SPINK6: variants seen among roughly 807,000 people sequenced by gnomAD.
SPINK6 encodes the protein serine protease inhibitor Kazal-type 6.
A neutral mutation model predicts 11.7 loss-of-function variants in SPINK6; 13 were observed. The ratio of observed to expected loss-of-function variants is 1.11; its 90% CI spans 0.72 to 1.76. The LOEUF (loss-of-function observed/expected upper bound fraction) is 1.76. Ranked by LOEUF, SPINK6 falls within the 40% of genes most tolerant of loss-of-function variation. The pLI is 0.00. For synonymous variants in SPINK6, 21 were observed against 31.9 expected, an observed-to-expected ratio of 0.66 and a Z score of 1.15; for missense variants, 98 against 93.7, an observed-to-expected ratio of 1.05 and a Z score of -0.19.
rs1755646328 is a variant in SPINK6 at position 148,213,834 on chromosome 5, CT to C, written c.82-75del. The C allele has an allele frequency of 2.1e-5, 15 of 729,616 alleles. No homozygotes were observed. In the South Asian group the frequency reaches 2.5e-4, roughly 12 times the overall value. The allele number at this position is 729,616 out of a possible 1,614,324, so 45.2% of individuals were successfully genotyped here. ...ATTTATATATGGTTTTTAAAGTTTG[CT>C]GTCTAAAGCTTCTGTTCTGAAGGAT... On this transcript the variant is annotated intron_variant, in intron 2 of 3. Transcript: ENST00000325630.
chr5:148,214,641 T>C (rs1285992722), intron 3 of SPINK6, among the ~76,000 whole-genome samples: 3 of 152,232 alleles, frequency 2.0e-5, no homozygotes, highest in Non-Finnish European at 4.4e-5. Context: ...ATGGTATACA[T>C]ATTTACTCTT....
chr5:148,205,824 T>G (rs1355997450), intron 1 of SPINK6, among the ~76,000 whole-genome samples: 1 of 151,478 alleles, frequency 6.6e-6, no homozygotes, highest in Non-Finnish European at 1.5e-5. Context: ...TACCTCCTCA[T>G]GGTTCATGTC....
chr5:148,213,636 T>G (rs1755643935), intron 2 of SPINK6, among the ~76,000 whole-genome samples: 1 of 152,196 alleles, frequency 6.6e-6, no homozygotes, highest in Admixed American at 6.5e-5. Context: ...CATATAGCAT[T>G]TGACTACATC....
intron 2 of SPINK6, among the ~76,000 whole-genome samples, chr5:148,206,940 C>T (rs1755506895): frequency 6.6e-6 from 1 of 151,948 alleles, no homozygotes; most frequent in Admixed American, 6.6e-5. Flanking sequence ...CCTGATATAC[C>T]CACTGCATTA....
intron 2 of SPINK6, among the ~76,000 whole-genome samples, chr5:148,211,446 AG>A (rs1028073266): frequency 6.6e-6 from 1 of 152,170 alleles, no homozygotes; most frequent in African/African-American, 2.4e-5. Context: ...ACCTGTAATA[AG>A]GTTACTTTCT....
intron 2 of SPINK6, among the ~76,000 whole-genome samples, chr5:148,212,577 T>C (rs1755617600): frequency 9.6e-6 from 1 of 104,250 alleles, no homozygotes; most frequent in Non-Finnish European, 1.7e-5. Context: ...ATATTATATA[T>C]TATATAAATA....
chr5:148,206,387 A>G (rs867990329), intron 2 of SPINK6, among the ~76,000 whole-genome samples: 3 of 151,844 alleles, frequency 2.0e-5, no homozygotes, highest in Admixed American at 6.6e-5. Flanking sequence ...CCACAACTAT[A>G]GAAAAGGGAT....
intron 2 of SPINK6, 92 bp from the exon 3 acceptor site, chr5:148,213,818 T>A (rs1755646148): frequency 3.0e-6 from 2 of 671,774 alleles, no homozygotes; most frequent in African/African-American, 3.6e-5. Context: ...TATTTATATA[T>A]GGTTTTTAAA....
At chr5:148,209,085 G>A (rs1299584941) in intron 2 of SPINK6, among the ~76,000 whole-genome samples, 1 of 152,114 alleles carries the variant, frequency 6.6e-6, no homozygotes, top group Non-Finnish European at 1.5e-5. Context: ...CATACAATTG[G>A]TAAAACAATG....
intron 3 of SPINK6, among the ~76,000 whole-genome samples, chr5:148,214,661 G>A (rs1048949624): frequency 3.3e-5 from 5 of 152,144 alleles, no homozygotes; most frequent in Non-Finnish European, 5.9e-5. Context: ...TGGAGAATGA[G>A]CAATTGGTAC....
Position 148,214,023 on chromosome 5 carries a change from A to G in SPINK6, c.195A>G (p.Ile65Met), listed in dbSNP as rs368424222. ...YGNKCAFCKA[I>M]VKSGGKISLK... ...ATAAATGTGCCTTCTGTAAGGCCAT[A>G]GTGTAAGTATTATATTCATCAAAGC... Residue 65 changes from isoleucine (I) to methionine (M), a missense_variant and splice_region_variant, in exon 3 of 4, where the codon ATA becomes ATG. Coordinates refer to ENST00000325630, the MANE Select transcript of SPINK6 (RefSeq NM_205841.4). The G allele has an allele frequency of 1.9e-6, 3 of 1,574,002 alleles. No individual in the cohort carries two copies. Among genetic ancestry groups the G allele is most frequent in the Non-Finnish European group, 2.6e-6 (3 of 1,143,506 alleles).
chr5:148,207,269 G>T (rs768782482), intron 2 of SPINK6, among the ~76,000 whole-genome samples: 46 of 152,222 alleles, frequency 3.0e-4, no homozygotes, highest in Non-Finnish European at 5.3e-4. Context: ...ATTACTCATA[G>T]AATTAAGAAA....
At chr5:148,205,702 C>T (rs537887562) in intron 1 of SPINK6, among the ~76,000 whole-genome samples, 5 of 152,168 alleles carry the variant, frequency 3.3e-5, no homozygotes, top group South Asian at 2.1e-4. Context: ...GTGAGACCAG[C>T]GATGATAAGG....
At position 148,206,035 on chromosome 5, in the gene SPINK6, G is replaced by C. The variant is rs770231588; in HGVS notation, c.59-1G>C. The C allele has an allele frequency of 3.8e-5, 61 of 1,613,832 alleles. No homozygotes were observed. Among genetic ancestry groups the C allele is most frequent in the Non-Finnish European group, 5.1e-5 (60 of 1,179,948 alleles). ...GTTTGAATGTTGTGCTTTTCTTTCAGGTGTCTTCAGTCAGGGAGGACAGGT... is the reference window on the plus strand; with the variant it reads ...GTTTGAATGTTGTGCTTTTCTTTCACGTGTCTTCAGTCAGGGAGGACAGGT... On this transcript the variant is annotated splice_acceptor_variant, in intron 1 of 3. Transcript: ENST00000325630. LOFTEE classifies it high-confidence loss of function.
intron 2 of SPINK6, among the ~76,000 whole-genome samples, chr5:148,209,991 T>TACATACGTATGTATAC (rs1398978551): frequency 6.9e-6 from 1 of 145,404 alleles, no homozygotes; most frequent in Non-Finnish European, 1.5e-5. Context: ...TATGTATACA[T>TACATACGTATGTATAC]ATACACGTAT....
At chr5:148,210,292 GTA>G (rs1378022456) in intron 2 of SPINK6, among the ~76,000 whole-genome samples, 3 of 85,860 alleles carry the variant, frequency 3.5e-5, no homozygotes, top group East Asian at 8.9e-4. Flanking sequence ...ACATATATAT[GTA>G]TGTTTCTGCA....
chr5:148,210,257 CATAT>C lies in SPINK6; in HGVS notation c.82-3648_82-3645del, dbSNP rs1194137304. 3.1e-4 allele frequency among the ~76,000 whole-genome samples: 35 copies of C among 112,572 alleles called. 1 individual carries two copies. The highest frequency in any genetic ancestry group is 1.1e-3 in the African/African-American group (34 of 29,646). 73.9% of individuals were successfully genotyped at this position (112,572 alleles called of 152,430 possible). ...ATGCATACGTATGTATTTCTGCATACATATATATGTATGTGTTTCTGCATACATA... is the reference window on the plus strand; with the variant it reads ...ATGCATACGTATGTATTTCTGCATACATATGTATGTGTTTCTGCATACATA... On this transcript the variant is annotated intron_variant, in intron 2 of 3. Coordinates refer to ENST00000325630, the MANE Select transcript of SPINK6 (RefSeq NM_205841.4).
At chr5:148,206,820 C>G (rs1254590977) in intron 2 of SPINK6, among the ~76,000 whole-genome samples, 1 of 152,164 alleles carries the variant, frequency 6.6e-6, no homozygotes, top group Non-Finnish European at 1.5e-5. Context: ...GGTCTTGGCA[C>G]TAGTTCTTGT....
chr5:148,203,235 C>T (rs1372299016), intron 1 of SPINK6, 81 bp downstream of exon 1: 15 of 1,067,106 alleles, frequency 1.4e-5, no homozygotes, highest in South Asian at 6.4e-5. Flanking sequence ...ATTTTAAATC[C>T]TAATGATTTT....
Sources: gnomAD v4.1 joint callset for allele counts (sites outside exome capture counted in the v4.1 genomes callset) on GRCh38, gnomAD v4.1.1 for gene constraint, MANE v1.5 for transcripts, NCBI Gene and HGNC (gene_info 2026-07-23, HGNC 2026-07-21) for gene names.